FAM184B: variants seen among roughly 807,000 people sequenced by gnomAD.
FAM184B encodes protein FAM184B.
A neutral mutation model predicts 135.9 loss-of-function variants in FAM184B; 111 were observed. That is an observed-to-expected ratio of 0.82 (90% confidence interval 0.70 to 0.96). The LOEUF is 0.96. FAM184B is among the 40% of genes least tolerant of loss of function. The pLI is 0.00. For synonymous variants in FAM184B, 552 were observed against 524.8 expected (o/e 1.05, Z -0.71); for missense variants, 1,375 against 1,323.9 (o/e 1.04, Z -0.60).
intron 5 of FAM184B, among the ~76,000 whole-genome samples, chr4:17,700,854 T>C (rs949694783): frequency 9.2e-5 from 14 of 152,064 alleles, no homozygotes; most frequent in African/African-American, 3.4e-4. Flanking sequence ...ATGTCCCAAA[T>C]AGTTGGACAT....
intron 1 of FAM184B, among the ~76,000 whole-genome samples, chr4:17,715,674 G>A (rs1273816041): frequency 6.6e-6 from 1 of 151,908 alleles, no homozygotes; most frequent in African/African-American, 2.4e-5. Context: ...AAGCATGTGG[G>A]GTAATGCATA....
chr4:17,654,259 A>T (rs1489491733), intron 10 of FAM184B, among the ~76,000 whole-genome samples: 1 of 151,888 alleles, frequency 6.6e-6, no homozygotes, highest in East Asian at 1.9e-4. Flanking sequence ...AGATGAGGAA[A>T]TGAGAGATGG....
At chr4:17,658,305 T>C in intron 10 of FAM184B, 45 bp downstream of exon 10, 18 of 1,528,900 alleles carry the variant, frequency 1.2e-5, no homozygotes, top group Non-Finnish European at 1.6e-5. Context: ...AGTTCTCACC[T>C]AGCAGGTGCC....
chr4:17,671,342 A>G (rs922743685), intron 7 of FAM184B, among the ~76,000 whole-genome samples: 1 of 152,148 alleles, frequency 6.6e-6, no homozygotes, highest in African/African-American at 2.4e-5. Context: ...GGAGCTCTAT[A>G]GGGTCCATCA....
chr4:17,639,466 A>AT, intron 13 of FAM184B, 70 bp from the exon 14 acceptor site: 1 of 1,516,244 alleles, frequency 6.6e-7, no homozygotes, highest in Non-Finnish European at 8.9e-7. Context: ...TCTGGGGTTT[A>AT]TTTCCCTCAT....
chr4:17,658,008 A>G (rs1460226260), intron 10 of FAM184B, among the ~76,000 whole-genome samples: 1 of 152,064 alleles, frequency 6.6e-6, no homozygotes, highest in African/African-American at 2.4e-5. Flanking sequence ...TAGCTGCAGG[A>G]CTGAGCCTGA....
intron 1 of FAM184B, among the ~76,000 whole-genome samples, 179 bp from the exon 2 acceptor site, chr4:17,709,823 G>A (rs1410606303): frequency 6.6e-6 from 1 of 152,196 alleles, no homozygotes; most frequent in East Asian, 1.9e-4. Flanking sequence ...TGAGAGAGCT[G>A]CAAAGTGCGA....
In FAM184B at chr4:17,660,064, C is replaced by A; in HGVS notation, c.1718G>T (p.Gly573Val). Residue 573 changes from glycine (G) to valine (V), a missense_variant, in exon 9 of 18, where the codon GGA (glycine) becomes GTA (valine). Transcript: ENST00000265018. ...EERTKVLLKE[G>V]SDPQPPLGSL... is the part of the protein sequence containing the mutation. ...GCCCAGTGGAGGTTGTGGGTCACTT[C>A]CCTCCTTGAGAAGCACTTTGGTCCT... The A allele has an allele frequency of 6.4e-7, 1 of 1,551,576 alleles. No individual in the cohort carries two copies. Among genetic ancestry groups the A allele is most frequent in the Non-Finnish European group, 8.7e-7 (1 of 1,146,970 alleles).
intron 2 of FAM184B, among the ~76,000 whole-genome samples, chr4:17,708,663 C>CTATATATATACA (rs1717169582): frequency 5.9e-5 from 1 of 16,990 alleles, no homozygotes; most frequent in Non-Finnish European, 1.0e-4. Context: ...GGAAACAAAA[C>CTATATATATACA]TATATATATA....
At chr4:17,722,418 T>C (rs1717550195) in intron 1 of FAM184B, among the ~76,000 whole-genome samples, 1 of 152,204 alleles carries the variant, frequency 6.6e-6, no homozygotes, top group Non-Finnish European at 1.5e-5. Context: ...AAAGCTGGGC[T>C]CCTTCCAGCA....
At chr4:17,751,823 GCACACACACACACA>G (rs3222789) in intron 1 of FAM184B, among the ~76,000 whole-genome samples, 4 of 115,898 alleles carry the variant, frequency 3.5e-5, no homozygotes, top group South Asian at 3.2e-4. Context: ...TAAAAACAAG[GCACACACACACACA>G]CACACACACA....
intron 1 of FAM184B, among the ~76,000 whole-genome samples, chr4:17,723,156 A>C (rs1237890369): frequency 6.6e-6 from 1 of 152,214 alleles, no homozygotes; most frequent in Admixed American, 6.5e-5. Flanking sequence ...CAGTTCACCA[A>C]GCAACTTTAC....
Position 17,705,107 on chromosome 4 carries a change from G to T in FAM184B, c.1270C>A (p.Leu424Ile). 1 of 1,551,746 alleles carries T rather than the reference G, an allele frequency of 6.4e-7. No individual in the cohort carries two copies. Among genetic ancestry groups the T allele is most frequent in the South Asian group, 1.2e-5 (1 of 84,058 alleles). ...KHQTEEEKKH[L>I]KDQLVKRLED... is the part of the protein sequence containing the mutation. ...AGTCGCTTCACTAGCTGGTCTTTGA[G>T]ATGTTTCTTCTCCTCTTCTGTCTGA... Residue 424 changes from leucine (L) to isoleucine (I), a missense_variant, in exon 5 of 18, where the codon CTC (leucine) becomes ATC (isoleucine). By Grantham distance (5) the Leu-to-Ile change is conservative. Coordinates refer to ENST00000265018, the MANE Select transcript of FAM184B (RefSeq NM_015688.2).
intron 10 of FAM184B, among the ~76,000 whole-genome samples, chr4:17,656,626 G>A (rs765876867): frequency 2.6e-5 from 4 of 152,036 alleles, no homozygotes; most frequent in African/African-American, 7.2e-5. Flanking sequence ...GGTCTTGAAC[G>A]CCTGGCCTCA....
At position 17,652,843 on chromosome 4, in the gene FAM184B, C is replaced by T; in HGVS notation, c.2178G>A (p.Gln726=). Residue 726 remains glutamine (Q), a synonymous_variant, in exon 11 of 18, where the codon CAG becomes CAA. Coordinates refer to ENST00000265018, the MANE Select transcript of FAM184B (RefSeq NM_015688.2). ...QEERERMQAQ[Q]ALLLESLRQE... Reference sequence around the variant, plus strand: ...TTGGGTGTATACCTAGCAGCAGGGCCTGCTGTGCCTGCATCCTCTCACGCT... The same window carrying T: ...TTGGGTGTATACCTAGCAGCAGGGCTTGCTGTGCCTGCATCCTCTCACGCT... 1 of 1,551,316 alleles carries T rather than the reference C, an allele frequency of 6.4e-7. No individual in the cohort carries two copies. The highest frequency in any genetic ancestry group is 1.7e-4 in the Middle Eastern group (1 of 5,728).
At chr4:17,693,046 G>A (rs945199697) in intron 6 of FAM184B, among the ~76,000 whole-genome samples, 4 of 151,838 alleles carry the variant, frequency 2.6e-5, no homozygotes, top group Non-Finnish European at 4.4e-5. Flanking sequence ...ACCCACTTGT[G>A]CCTTCATGAA....
intron 7 of FAM184B, among the ~76,000 whole-genome samples, chr4:17,675,882 G>A (rs1355603777): frequency 1.3e-5 from 2 of 152,134 alleles, no homozygotes; most frequent in East Asian, 3.8e-4. Flanking sequence ...TCTGGATTAG[G>A]CTTTAGGTTA....
At chr4:17,694,264 C>CT (rs1371800886) in intron 5 of FAM184B, among the ~76,000 whole-genome samples, 1 of 152,194 alleles carries the variant, frequency 6.6e-6, no homozygotes, top group Admixed American at 6.5e-5. Flanking sequence ...TGGCTGACGC[C>CT]TGTAATCCCA....
intron 10 of FAM184B, 69 bp from the exon 11 acceptor site, chr4:17,653,052 C>T: frequency 6.9e-7 from 1 of 1,447,830 alleles, no homozygotes; most frequent in South Asian, 1.2e-5. Context: ...ACTCCTTTGC[C>T]AAGCTCTTCT....
Sources: allele counts gnomAD v4.1 joint callset (sites outside exome capture counted in the v4.1 genomes callset), GRCh38; gene constraint gnomAD v4.1.1; transcripts MANE v1.5; gene names NCBI Gene and HGNC (gene_info 2026-07-23, HGNC 2026-07-21).